The following AAGAB variants were observed in gnomAD, a reference collection of about 807,000 sequenced individuals.
AAGAB encodes the protein alpha and gamma adaptin binding protein, also known as alpha- and gamma-adaptin-binding protein p34.
A neutral mutation model predicts 44.1 loss-of-function variants in AAGAB; 38 were observed. The observed-to-expected ratio is 0.86, with a 90% CI of 0.67 to 1.13. The LOEUF is 1.13. Ranked by LOEUF, AAGAB falls within the 50% of genes most tolerant of loss-of-function variation. The probability of loss-of-function intolerance (pLI) is 0.00; values close to 1 mark genes in which losing one functional copy is unlikely to be tolerated. For missense variants in AAGAB, 450 were observed against 373.8 expected (o/e 1.20, Z -1.68); for synonymous variants, 131 against 131.8 (o/e 0.99, Z 0.04).
intron 1 of AAGAB, among the ~76,000 whole-genome samples, chr15:67,251,502 C>T (rs1420010071): frequency 2.0e-5 from 3 of 152,130 alleles, no homozygotes; most frequent in African/African-American, 4.8e-5. Flanking sequence ...GTGATCCTCC[C>T]GTCCTGGCCT....
Position 67,207,339 on chromosome 15 carries a change from C to T in AAGAB, c.715+1223G>A, listed in dbSNP as rs550631822. 1.4e-4 allele frequency among the ~76,000 whole-genome samples: 22 copies of T among 152,300 alleles called. No individual in the cohort carries two copies. The South Asian group carries it at 3.9e-3, about 27-fold the overall frequency. On this transcript the variant is annotated intron_variant, in intron 7 of 9. Transcript: ENST00000261880. Reference sequence around the variant, plus strand: ...GGAAATATATGTGTGTATACTAATACACGCATATACACACACATCTGTATT... The same window carrying T: ...GGAAATATATGTGTGTATACTAATATACGCATATACACACACATCTGTATT...
Position 67,254,614 on chromosome 15 carries a change from G to A in AAGAB, c.18C>T (p.Pro6=), listed in dbSNP as rs374516781. Residue 6 remains proline, a synonymous_variant, in exon 1 of 10, where the codon CCC becomes CCT. Transcript: ENST00000261880. MAAGV[P]CALVTSCSSV... ...AGGAGCAGCTGGTGACTAACGCACA[G>A]GGTACGCCAGCAGCCATAGCTGCGC... 1.6e-5 allele frequency: 25 copies of A among 1,606,166 alleles called. No homozygotes were observed. Among genetic ancestry groups the A allele is most frequent in the Non-Finnish European group, 1.8e-5 (21 of 1,178,058 alleles).
At chr15:67,216,775 A>AAAT (rs1202200966) in intron 5 of AAGAB, among the ~76,000 whole-genome samples, 1 of 152,148 alleles carries the variant, frequency 6.6e-6, no homozygotes, top group East Asian at 1.9e-4. Flanking sequence ...TGAAAAAAAA[A>AAAT]AATAAAGATG....
chr15:67,232,718 A>G lies in AAGAB; in HGVS notation c.452-821T>C, dbSNP rs568173799. 7 of 257,216 alleles carry G rather than the reference A, an allele frequency of 2.7e-5. No homozygotes were observed. In the South Asian group the frequency reaches 3.2e-4, roughly 12 times the overall value. The allele number at this position is 257,216 out of a possible 1,614,324, so 15.9% of individuals were successfully genotyped here. A position where few individuals can be genotyped will look rare whatever the true frequency, so the allele number is the denominator to read the frequency against. On this transcript the variant is annotated intron_variant, in intron 4 of 9. Transcript: ENST00000261880. ...ATGAACACAAACATAGACTTACAAG[A>G]CATGGCCTGTGTGAGAAGAAAAAGA...
At chr15:67,237,119 G>A (rs1420968515) in intron 1 of AAGAB, among the ~76,000 whole-genome samples, 1 of 152,100 alleles carries the variant, frequency 6.6e-6, no homozygotes, top group Non-Finnish European at 1.5e-5. Flanking sequence ...CCAGAAAAGA[G>A]CAAGTAGAAG....
Position 67,202,803 on chromosome 15 carries a change from A to G in AAGAB, c.*18T>C, listed in dbSNP as rs1860394811. Reference sequence around the variant, plus strand: ...AGACAGCTAGCATCTTTGTTGGTCAAACCCTAGTATGAATAATTCAGTGCT... The same window carrying G: ...AGACAGCTAGCATCTTTGTTGGTCAGACCCTAGTATGAATAATTCAGTGCT... On this transcript the variant is annotated 3_prime_UTR_variant, in exon 10 of 10. Transcript: ENST00000261880. 6.2e-7 allele frequency: 1 copy of G among 1,612,358 alleles called. No homozygotes were observed. Among genetic ancestry groups the G allele is most frequent in the Non-Finnish European group, 8.5e-7 (1 of 1,178,388 alleles).
At chr15:67,231,278 T>A (rs1964327731) in intron 5 of AAGAB, among the ~76,000 whole-genome samples, 1 of 152,238 alleles carries the variant, frequency 6.6e-6, no homozygotes, top group African/African-American at 2.4e-5. Context: ...CTCTATGTCA[T>A]GCTTCCTTCT....
intron 1 of AAGAB, among the ~76,000 whole-genome samples, chr15:67,249,743 T>C (rs561033315): frequency 6.6e-6 from 1 of 152,358 alleles, no homozygotes; most frequent in Admixed American, 6.5e-5. Flanking sequence ...CTCAACACAT[T>C]ACATTCACAC....
intron 9 of AAGAB, among the ~76,000 whole-genome samples, 153 bp downstream of exon 9, chr15:67,203,395 A>G (rs780494615): frequency 6.6e-5 from 10 of 152,234 alleles, no homozygotes; most frequent in Non-Finnish European, 1.3e-4. Context: ...CAACTATACT[A>G]TTACTGTATA....
At chr15:67,222,234 GCGCGCGCGCACACACA>G (rs1341246598) in intron 5 of AAGAB, among the ~76,000 whole-genome samples, 4 of 43,166 alleles carry the variant, frequency 9.3e-5, no homozygotes, top group African/African-American at 4.1e-4. Context: ...ACGCGCACGC[GCGCGCGCGCACACACA>G]CACACACACA....
At chr15:67,246,198 C>G (rs189638984) in intron 1 of AAGAB, among the ~76,000 whole-genome samples, 142 of 152,112 alleles carry the variant, frequency 9.3e-4, no homozygotes, top group Middle Eastern at 6.8e-3. Flanking sequence ...CTGAGCAACA[C>G]GGCAAAACCC....
At position 67,254,656 on chromosome 15, in the gene AAGAB, T is replaced by TCAGGCAGCCGCTTCCGC. The variant is rs751793473; in HGVS notation, c.-26_-25insGCGGAAGCGGCTGCCTG. ...TAGCTGCGCTCGCGAGCCGGTTCCG[T>TCAGGCAGCCGCTTCCGC]CAGGCAGCCGCTTCCGCCTTGGGCT... On this transcript the variant is annotated 5_prime_UTR_variant, in exon 1 of 10. Transcript: ENST00000261880. 1.3e-5 allele frequency: 20 copies of TCAGGCAGCCGCTTCCGC among 1,596,724 alleles called. No individual in the cohort carries two copies. The highest frequency in any genetic ancestry group is 2.3e-5 in the East Asian group (1 of 44,296).
Position 67,228,654 on chromosome 15 carries a change from A to G in AAGAB, c.535+3160T>C, listed in dbSNP as rs139924101. Among the ~76,000 whole-genome samples the G allele has an allele frequency of 2.5e-3, 387 of 152,340 alleles. 5 individuals carry two copies. Among genetic ancestry groups the G allele is most frequent in the East Asian group, 0.012 (62 of 5,186 alleles). On this transcript the variant is annotated intron_variant, in intron 5 of 9. Coordinates refer to ENST00000261880, the MANE Select transcript of AAGAB (RefSeq NM_024666.5). ...CACCCAAAGGAATGTAAATCATTCC[A>G]CCAAAAAGACACATGAATGTGTATG...
intron 5 of AAGAB, among the ~76,000 whole-genome samples, chr15:67,219,937 A>T (rs1324093905): frequency 6.6e-6 from 1 of 152,154 alleles, no homozygotes; most frequent in Non-Finnish European, 1.5e-5. Context: ...GTTTGCCTTA[A>T]ATCTGATATT....
intron 1 of AAGAB, among the ~76,000 whole-genome samples, chr15:67,252,394 A>G (rs1964890733): frequency 6.6e-6 from 1 of 152,244 alleles, no homozygotes; most frequent in Admixed American, 6.5e-5. Context: ...CTAGATGGAT[A>G]TATGTGAGAA....
rs1412039627 is a variant in AAGAB, at chr15:67,231,895, C to G, written c.454G>C (p.Asp152His). 1.9e-6 allele frequency: 3 copies of G among 1,605,506 alleles called. No homozygotes were observed. Among genetic ancestry groups the G allele is most frequent in the Non-Finnish European group, 2.6e-6 (3 of 1,172,758 alleles). ...SPEELPEEDD[D>H]FPESTGVKRI... ...TTTACTCCTGTAGATTCTGGGAAGT[C>G]ATCTAATCAGGGAGGGGAAATATAT... Residue 152 changes from aspartate to histidine, a missense_variant and splice_region_variant, in exon 5 of 10, where the codon GAC becomes CAC. By Grantham distance (81) the Asp-to-His change is moderately conservative. Coordinates refer to ENST00000261880, the MANE Select transcript of AAGAB (RefSeq NM_024666.5).
intron 5 of AAGAB, among the ~76,000 whole-genome samples, chr15:67,210,785 ACTTTT>A (rs1403085679): frequency 6.6e-6 from 1 of 152,216 alleles, no homozygotes; most frequent in African/African-American, 2.4e-5. Flanking sequence ...TGGAATCTCA[ACTTTT>A]AGCAAGTGCT....
intron 7 of AAGAB, among the ~76,000 whole-genome samples, chr15:67,206,834 A>G (rs545376601): frequency 6.6e-6 from 1 of 152,292 alleles, no homozygotes; most frequent in East Asian, 1.9e-4. Flanking sequence ...AAGTCCTGGA[A>G]TCAACCACTT....
intron 5 of AAGAB, among the ~76,000 whole-genome samples, chr15:67,225,787 A>T (rs1964190321): frequency 1.3e-5 from 2 of 152,208 alleles, no homozygotes; most frequent in African/African-American, 4.8e-5. Context: ...TGTTTTCAGC[A>T]GTTTTTCTCA....
Sources: gnomAD v4.1 joint callset for allele counts (sites outside exome capture counted in the v4.1 genomes callset) on GRCh38, gnomAD v4.1.1 for gene constraint, MANE v1.5 for transcripts, NCBI Gene and HGNC (gene_info 2026-07-23, HGNC 2026-07-21) for gene names.